The following MPPED2 variants were observed in gnomAD, a reference collection of about 807,000 sequenced individuals.
The protein encoded by MPPED2 is metallophosphoesterase MPPED2.
In MPPED2, 5 loss-of-function variants were observed where a neutral mutation model predicts 33.0. The observed-to-expected ratio is 0.15, with a 90% CI of 0.08 to 0.32. MPPED2 has a LOEUF of 0.32. Ranked by LOEUF, MPPED2 falls within the 10% of genes least tolerant of loss-of-function variation. MPPED2 has a pLI of 1.00. For synonymous variants in MPPED2, 136 were observed against 141.9 expected (o/e 0.96, Z 0.29); for missense variants, 275 against 372.1 (o/e 0.74, Z 2.15).
intron 2 of MPPED2, among the ~76,000 whole-genome samples, chr11:30,572,761 C>T (rs79944983): frequency 0.021 from 3,133 of 152,192 alleles, 102 homozygotes; most frequent in African/African-American, 0.066. Context: ...TCTGTGTGAG[C>T]GTTAGGGGTC....
intron 2 of MPPED2, among the ~76,000 whole-genome samples, chr11:30,558,518 C>G (rs566529679): frequency 5.5e-4 from 83 of 151,906 alleles, no homozygotes; most frequent in Non-Finnish European, 6.5e-4. Flanking sequence ...CAGACTCAAG[C>G]AATCCTCCCA....
chr11:30,537,471 A>C (rs566284749), intron 2 of MPPED2, among the ~76,000 whole-genome samples: 2 of 152,186 alleles, frequency 1.3e-5, no homozygotes, highest in South Asian at 4.1e-4. Context: ...GGCTTTGTTT[A>C]ATTTGTTTTC....
intron 4 of MPPED2, among the ~76,000 whole-genome samples, chr11:30,418,868 T>C (rs1948487108): frequency 6.6e-6 from 1 of 152,210 alleles, no homozygotes; most frequent in Non-Finnish European, 1.5e-5. Flanking sequence ...GGTGGACATG[T>C]ATAGTCAAGA....
At chr11:30,394,566 A>T (rs1947817339) in intron 6 of MPPED2, among the ~76,000 whole-genome samples, 1 of 152,074 alleles carries the variant, frequency 6.6e-6, no homozygotes, top group Non-Finnish European at 1.5e-5. Flanking sequence ...CCATCCACAG[A>T]TCCTCTTTGG....
intron 4 of MPPED2, among the ~76,000 whole-genome samples, chr11:30,489,074 T>G (rs1320432692): frequency 6.6e-6 from 1 of 150,656 alleles, no homozygotes; most frequent in Non-Finnish European, 1.5e-5. Context: ...TTTGCCTAAG[T>G]TAATTACAAA....
chr11:30,522,602 A>G (rs1006849120), intron 3 of MPPED2, among the ~76,000 whole-genome samples: 1 of 152,234 alleles, frequency 6.6e-6, no homozygotes, highest in African/African-American at 2.4e-5. Context: ...TGCTGTCTAC[A>G]CATTTAACAG....
At chr11:30,540,392 C>A (rs1334540944) in intron 2 of MPPED2, among the ~76,000 whole-genome samples, 2 of 152,108 alleles carry the variant, frequency 1.3e-5, no homozygotes, top group African/African-American at 4.8e-5. Flanking sequence ...TGCCTTGGTT[C>A]CCTCATCAGT....
chr11:30,528,138 T>TAC (rs34244708), intron 3 of MPPED2, among the ~76,000 whole-genome samples: 53,393 of 151,456 alleles, frequency 0.35, 9,715 homozygotes, highest in African/African-American at 0.42. Flanking sequence ...TTATACACAA[T>TAC]ACACACACAC....
intron 2 of MPPED2, among the ~76,000 whole-genome samples, chr11:30,557,846 A>C (rs1374160040): frequency 6.6e-6 from 1 of 152,238 alleles, no homozygotes; most frequent in Non-Finnish European, 1.5e-5. Context: ...AAGAAACATT[A>C]GCCTGGTAAG....
At chr11:30,571,853 G>A (rs566374415) in intron 2 of MPPED2, among the ~76,000 whole-genome samples, 5 of 152,218 alleles carry the variant, frequency 3.3e-5, no homozygotes, top group East Asian at 1.9e-4. Flanking sequence ...AATTAAAATC[G>A]AGTATGTTGC....
At chr11:30,502,139 A>T (rs1466403066) in intron 3 of MPPED2, among the ~76,000 whole-genome samples, 1 of 152,240 alleles carries the variant, frequency 6.6e-6, no homozygotes, top group Non-Finnish European at 1.5e-5. Flanking sequence ...TGAGTGCCAG[A>T]GAGGTGCTGC....
chr11:30,397,645 C>T (rs1422449029), intron 6 of MPPED2, among the ~76,000 whole-genome samples: 1 of 152,100 alleles, frequency 6.6e-6, no homozygotes, highest in Non-Finnish European at 1.5e-5. Context: ...AGGCAATTTA[C>T]ATTTGTTTTC....
At chr11:30,549,358 G>T (rs1396325177) in intron 2 of MPPED2, among the ~76,000 whole-genome samples, 1 of 152,128 alleles carries the variant, frequency 6.6e-6, no homozygotes, top group African/African-American at 2.4e-5. Context: ...ATAAACTTCA[G>T]ATAATTCTCA....
intron 2 of MPPED2, among the ~76,000 whole-genome samples, chr11:30,552,919 C>A (rs1028806306): frequency 6.6e-6 from 1 of 152,154 alleles, no homozygotes; most frequent in Non-Finnish European, 1.5e-5. Flanking sequence ...CAAATGCCAA[C>A]AGACCCTGAG....
chr11:30,498,442 G>A (rs370151426), intron 3 of MPPED2, among the ~76,000 whole-genome samples: 41 of 151,828 alleles, frequency 2.7e-4, no homozygotes, highest in African/African-American at 8.0e-4. Flanking sequence ...AAAATTAGCC[G>A]GGTGTGGTAG....
At chr11:30,513,205 T>A (rs909707811) in intron 3 of MPPED2, among the ~76,000 whole-genome samples, 1 of 152,212 alleles carries the variant, frequency 6.6e-6, no homozygotes, top group Non-Finnish European at 1.5e-5. Context: ...GCCCTACTTT[T>A]ATTCTAGTCC....
chr11:30,534,132 T>C (rs188441112), intron 3 of MPPED2, among the ~76,000 whole-genome samples: 90 of 152,306 alleles, frequency 5.9e-4, no homozygotes, highest in African/African-American at 2.0e-3. Flanking sequence ...TAACTCAGTT[T>C]CCCAAGGTCA....
Position 30,580,462 on chromosome 11 carries a change from C to A in MPPED2, c.-89G>T, listed in dbSNP as rs2134915694. ...GTGCGTTTCAGCCAACCTCTGAATC[C>A]AAGGATCTACTCATCAATACCGCTG... On this transcript the variant is annotated 5_prime_UTR_variant, in exon 2 of 7. Coordinates refer to ENST00000358117, the MANE Select transcript of MPPED2 (RefSeq NM_001584.3). The A allele has an allele frequency of 1.9e-6, 3 of 1,546,878 alleles. No individual in the cohort carries two copies. Among genetic ancestry groups the A allele is most frequent in the Non-Finnish European group, 2.6e-6 (3 of 1,143,686 alleles).
At chr11:30,511,661 A>G (rs1953201760) in intron 3 of MPPED2, among the ~76,000 whole-genome samples, 1 of 152,230 alleles carries the variant, frequency 6.6e-6, no homozygotes, top group Non-Finnish European at 1.5e-5. Flanking sequence ...GATGTTTAGA[A>G]CAGTATAGCA....
Sources: gnomAD v4.1 joint callset for allele counts (sites outside exome capture counted in the v4.1 genomes callset) on GRCh38, gnomAD v4.1.1 for gene constraint, MANE v1.5 for transcripts, NCBI Gene and HGNC (gene_info 2026-07-23, HGNC 2026-07-21) for gene names.